The following LHFPL4 variants were observed in gnomAD, a reference collection of about 807,000 sequenced individuals.
The protein encoded by LHFPL4 is LHFPL tetraspan subfamily member 4, also known as LHFPL tetraspan subfamily member 4 protein.
A neutral mutation model predicts 20.0 loss-of-function variants in LHFPL4; 6 were observed. That is an observed-to-expected ratio of 0.30 (90% CI 0.16 to 0.59). The LOEUF is 0.59. Ranked by LOEUF, LHFPL4 falls within the 20% of genes least tolerant of loss-of-function variation. The pLI is 0.88. For synonymous variants in LHFPL4, 129 were observed against 143.8 expected, an observed-to-expected ratio of 0.90 and a Z score of 0.74; for missense variants, 215 against 331.2, an observed-to-expected ratio of 0.65 and a Z score of 2.72.
rs778852719 is a variant in LHFPL4, at chr3:9,506,070, G to C, written c.540C>G (p.Ala180=). ...TGAGGGCGTTGAGGATGCCGATGAT[G>C]GCCAGGATGTATGCCCAGCGCACTG... ...DCSVRWAYIL[A]IIGILNALIL... The change falls in exon 3 of 4, where the codon GCC becomes GCG. Residue 180 remains alanine, a synonymous_variant. Transcript: ENST00000287585. The surrounding 1 kb of genome is among the most constrained non-coding windows in gnomAD (Gnocchi z 4.5). 1.9e-6 allele frequency: 3 copies of C among 1,614,158 alleles called. No homozygotes were observed. Among genetic ancestry groups the C allele is most frequent in the Non-Finnish European group, 1.7e-6 (2 of 1,180,026 alleles).
intron 2 of LHFPL4, among the ~76,000 whole-genome samples, chr3:9,509,241 A>AG (rs1553646180): frequency 7.8e-6 from 1 of 128,270 alleles, no homozygotes; most frequent in Non-Finnish European, 1.6e-5. Context: ...CTTTCTTCGC[A>AG]CCCCCCTCTC....
rs1207720444 is a variant in LHFPL4, at chr3:9,543,858, A to G, written c.406+8416T>C. 4.7e-5 allele frequency among the ~76,000 whole-genome samples: 7 copies of G among 148,356 alleles called. No homozygotes were observed. The Admixed American group carries it at 4.8e-4, about 10-fold the overall frequency. ...GTGACCCTTCCATCTCAATCTCCTG[A>G]GTAGGTGGAATTACAGGCGTGTGCC... is the stretch of plus-strand genomic sequence containing the variant. On this transcript the variant is annotated intron_variant, in intron 2 of 3. Transcript: ENST00000287585.
chr3:9,552,028 T>C (rs139157360), intron 2 of LHFPL4, among the ~76,000 whole-genome samples: 2,607 of 152,190 alleles, frequency 0.017, 69 homozygotes, highest in Non-Finnish European at 0.02. Flanking sequence ...GAGCAATAAA[T>C]GCAGCGTACC....
At chr3:9,541,136 G>A (rs1559522677) in intron 2 of LHFPL4, among the ~76,000 whole-genome samples, 1 of 151,732 alleles carries the variant, frequency 6.6e-6, no homozygotes, top group Non-Finnish European at 1.5e-5. Context: ...TAGAGACGGG[G>A]TTTCACCATG....
chr3:9,514,640 A>G (rs1197429472), intron 2 of LHFPL4, among the ~76,000 whole-genome samples: 1 of 152,202 alleles, frequency 6.6e-6, no homozygotes, highest in Non-Finnish European at 1.5e-5. Context: ...GCCCTAAAAA[A>G]TCCTCTGTGC....
intron 2 of LHFPL4, among the ~76,000 whole-genome samples, chr3:9,535,176 AAC>A (rs1244375982): frequency 2.0e-5 from 3 of 152,384 alleles, no homozygotes; most frequent in Admixed American, 2.0e-4. Flanking sequence ...TTTTAAAAAT[AAC>A]ACACAACATA....
At chr3:9,542,871 G>A (rs1351796282) in intron 2 of LHFPL4, among the ~76,000 whole-genome samples, 2 of 151,668 alleles carry the variant, frequency 1.3e-5, no homozygotes, top group Non-Finnish European at 2.9e-5. Context: ...TCTAGAATAG[G>A]CTAATACATA....
At chr3:9,549,516 C>G (rs541608321) in intron 2 of LHFPL4, among the ~76,000 whole-genome samples, 1 of 151,918 alleles carries the variant, frequency 6.6e-6, no homozygotes, top group Non-Finnish European at 1.5e-5. Flanking sequence ...GCCAACATGG[C>G]GAAACCCCAT....
At chr3:9,539,003 AT>A (rs1183485809) in intron 2 of LHFPL4, among the ~76,000 whole-genome samples, 1 of 152,096 alleles carries the variant, frequency 6.6e-6, no homozygotes, top group African/African-American at 2.4e-5. Context: ...CCTGGCCCAA[AT>A]TCAGGTTTTC....
In LHFPL4 at chr3:9,502,162, G is replaced by T; in HGVS notation, c.*49C>A. 7.5e-7 allele frequency: 1 copy of T among 1,336,714 alleles called. No homozygotes were observed. The highest frequency in any genetic ancestry group is 1.2e-5 in the South Asian group (1 of 84,908). The allele number at this position is 1,336,714 out of a possible 1,614,324, so 82.8% of individuals were successfully genotyped here. On this transcript the variant is annotated 3_prime_UTR_variant, in exon 4 of 4. Transcript: ENST00000287585. ...GAATGGAGTGACGAGAGGGCAGAAG[G>T]CAGGACAAGCTGAGGTCAGGCCAAT...
At chr3:9,534,095 A>C (rs1183584123) in intron 2 of LHFPL4, among the ~76,000 whole-genome samples, 1 of 151,846 alleles carries the variant, frequency 6.6e-6, no homozygotes, top group African/African-American at 2.4e-5. Flanking sequence ...GCATGCCACC[A>C]TGCAGTAGTC....
intron 2 of LHFPL4, among the ~76,000 whole-genome samples, chr3:9,551,735 C>G (rs1262414303): frequency 1.3e-5 from 2 of 152,166 alleles, no homozygotes; most frequent in Non-Finnish European, 1.5e-5. Context: ...TCCCCCTTAT[C>G]ACAGCATTTT....
chr3:9,526,509 A>T (rs1255384785), intron 2 of LHFPL4, among the ~76,000 whole-genome samples: 2 of 152,204 alleles, frequency 1.3e-5, no homozygotes, highest in African/African-American at 4.8e-5. Context: ...GTGGTCTAAC[A>T]TCCCTCATAT....
intron 2 of LHFPL4, among the ~76,000 whole-genome samples, chr3:9,523,654 G>A (rs577294085): frequency 7.9e-5 from 12 of 151,902 alleles, no homozygotes; most frequent in African/African-American, 2.6e-4. Context: ...TGTATTTTTA[G>A]TATAGACGGG....
Position 9,502,151 on chromosome 3 carries a change from G to A in LHFPL4, c.*60C>T. The stretch of plus-strand genomic sequence containing the variant: ...CCTCAGAGCTTGAATGGAGTGACGA[G>A]AGGGCAGAAGGCAGGACAAGCTGAG... On this transcript the variant is annotated 3_prime_UTR_variant, in exon 4 of 4. Coordinates refer to ENST00000287585, the MANE Select transcript of LHFPL4 (RefSeq NM_198560.3). The A allele has an allele frequency of 1.6e-6, 2 of 1,215,464 alleles. No homozygotes were observed. Among genetic ancestry groups the A allele is most frequent in the Non-Finnish European group, 2.4e-6 (2 of 819,430 alleles). The allele number at this position is 1,215,464 out of a possible 1,614,324, so 75.3% of individuals were successfully genotyped here.
chr3:9,539,646 C>A (rs2046465572), intron 2 of LHFPL4, among the ~76,000 whole-genome samples: 1 of 151,858 alleles, frequency 6.6e-6, no homozygotes, highest in African/African-American at 2.4e-5. Flanking sequence ...AAATAATTTC[C>A]CCATGGGGGA....
chr3:9,502,314 AAGAGAGAGAGAG>A lies in LHFPL4; in HGVS notation c.644-15_644-4del. On this transcript the variant is annotated splice_polypyrimidine_tract_variant and splice_region_variant and intron_variant, in intron 3 of 3. Coordinates refer to ENST00000287585, the MANE Select transcript of LHFPL4 (RefSeq NM_198560.3). ...GCTTACTGTAGAGCCCACAAAATCT[AAGAGAGAGAGAG>A]AGAGAGAGAAGGAGAGAGAATTAGA... 4 of 1,520,690 alleles carry A rather than the reference AAGAGAGAGAGAG, an allele frequency of 2.6e-6. No homozygotes were observed. Among genetic ancestry groups the A allele is most frequent in the Non-Finnish European group, 3.6e-6 (4 of 1,105,416 alleles). The allele number at this position is 1,520,690 out of a possible 1,614,324, so 94.2% of individuals were successfully genotyped here.
intron 2 of LHFPL4, among the ~76,000 whole-genome samples, chr3:9,519,158 C>T (rs1007076513): frequency 6.6e-6 from 1 of 152,008 alleles, no homozygotes; most frequent in Non-Finnish European, 1.5e-5. Flanking sequence ...AGGCTGGTCT[C>T]GAACTCCTGA....
At chr3:9,531,867 T>C (rs542463119) in intron 2 of LHFPL4, among the ~76,000 whole-genome samples, 2 of 151,962 alleles carry the variant, frequency 1.3e-5, no homozygotes, top group South Asian at 4.1e-4. Flanking sequence ...GGAAGATTAC[T>C]TGAGTTTAGG....
Sources: gnomAD v4.1 joint callset for allele counts (sites outside exome capture counted in the v4.1 genomes callset) on GRCh38, gnomAD v4.1.1 for gene constraint, Gnocchi (gnomAD v3.1) non-coding constraint, MANE v1.5 for transcripts, NCBI Gene and HGNC (gene_info 2026-07-23, HGNC 2026-07-21) for gene names.